The following FOXP2 variants were observed in gnomAD, a reference collection of about 807,000 sequenced individuals.
FOXP2 encodes the protein forkhead box protein P2.
In FOXP2, 12 loss-of-function variants were observed where a neutral mutation model predicts 115.8. The ratio of observed to expected loss-of-function variants is 0.10; its 90% CI spans 0.07 to 0.17. The LOEUF (loss-of-function observed/expected upper bound fraction) is 0.17, where lower values mean the gene tolerates loss of function less well. Among genes scored for constraint, FOXP2 ranks in the 10% least tolerant of loss-of-function variants. FOXP2 has a pLI of 1.00. For synonymous variants in FOXP2, 328 were observed against 297.7 expected, an observed-to-expected ratio of 1.10 and a Z score of -1.05; for missense variants, 629 against 843.5, an observed-to-expected ratio of 0.75 and a Z score of 3.15.
At chr7:114,632,467 A>G (rs1489498130) in intron 6 of FOXP2, among the ~76,000 whole-genome samples, 2 of 152,224 alleles carry the variant, frequency 1.3e-5, no homozygotes, top group East Asian at 1.9e-4. Flanking sequence ...TAAGTTATAT[A>G]TCATTACACT....
intron 1 of FOXP2, among the ~76,000 whole-genome samples, chr7:114,207,536 A>AAT (rs1794230182): frequency 6.6e-6 from 1 of 152,222 alleles, no homozygotes; most frequent in Non-Finnish European, 1.5e-5. Context: ...ATATAAGGCA[A>AAT]ATTCTTACTT....
intron 1 of FOXP2, among the ~76,000 whole-genome samples, chr7:114,149,595 A>G (rs1170584506): frequency 2.6e-5 from 4 of 151,720 alleles, no homozygotes; most frequent in Non-Finnish European, 2.9e-5. Flanking sequence ...TAATTCCCCC[A>G]TTTAACATTT....
chr7:114,545,940 G>T (rs1459702407), intron 3 of FOXP2, among the ~76,000 whole-genome samples: 1 of 151,988 alleles, frequency 6.6e-6, no homozygotes, highest in East Asian at 1.9e-4. Context: ...TATATGTCTT[G>T]TTAATGCATC....
At chr7:114,243,399 G>A (rs1312054159) in intron 1 of FOXP2, among the ~76,000 whole-genome samples, 2 of 152,120 alleles carry the variant, frequency 1.3e-5, no homozygotes, top group East Asian at 3.9e-4. Flanking sequence ...TAAGAGCCCA[G>A]GTTGATTGCC....
intron 3 of FOXP2, among the ~76,000 whole-genome samples, chr7:114,555,027 A>G (rs1442183599): frequency 6.6e-6 from 1 of 152,214 alleles, no homozygotes; most frequent in Non-Finnish European, 1.5e-5. Context: ...CCAGCGAAAA[A>G]GAAGACCAAG....
chr7:114,550,819 C>T (rs1414678360), intron 3 of FOXP2, among the ~76,000 whole-genome samples: 1 of 152,104 alleles, frequency 6.6e-6, no homozygotes, highest in Non-Finnish European at 1.5e-5. Context: ...ATGCAAATTA[C>T]TTTAAAAGAA....
At chr7:114,353,973 A>G (rs913815442) in intron 2 of FOXP2, among the ~76,000 whole-genome samples, 11 of 152,146 alleles carry the variant, frequency 7.2e-5, no homozygotes. Context: ...AAGACCTAGT[A>G]AAACATTATT....
At chr7:114,619,318 A>G (rs1486650078) in intron 3 of FOXP2, among the ~76,000 whole-genome samples, 3 of 152,150 alleles carry the variant, frequency 2.0e-5, no homozygotes, top group African/African-American at 4.8e-5. Context: ...CAAAACGGGC[A>G]TATTTTCAAT....
At chr7:114,424,469 G>T (rs764659517) in intron 1 of FOXP2, among the ~76,000 whole-genome samples, 3 of 151,344 alleles carry the variant, frequency 2.0e-5, no homozygotes, top group Non-Finnish European at 3.0e-5. Flanking sequence ...ATATGTAAAA[G>T]TTATGCCTAT....
chr7:114,390,325 A>G (rs1250111005), intron 2 of FOXP2, among the ~76,000 whole-genome samples: 1 of 152,076 alleles, frequency 6.6e-6, no homozygotes, highest in Non-Finnish European at 1.5e-5. Flanking sequence ...TACTCATTCT[A>G]CAGAGTAAAC....
At chr7:114,627,144 T>A (rs1427873093) in intron 3 of FOXP2, among the ~76,000 whole-genome samples, 1 of 113,022 alleles carries the variant, frequency 8.8e-6, no homozygotes, top group African/African-American at 4.0e-5. Flanking sequence ...CTGGATTTCT[T>A]TTTTTTTTTT....
chr7:114,435,430 T>C (rs573813284), intron 2 of FOXP2, among the ~76,000 whole-genome samples: 1 of 152,142 alleles, frequency 6.6e-6, no homozygotes, highest in African/African-American at 2.4e-5. Flanking sequence ...AGTGTTTGGA[T>C]GCACTTCATA....
At chr7:114,440,528 A>G (rs1034717071) in intron 2 of FOXP2, among the ~76,000 whole-genome samples, 1 of 152,170 alleles carries the variant, frequency 6.6e-6, no homozygotes, top group Non-Finnish European at 1.5e-5. Context: ...TTATTGGCAT[A>G]TAGTGTTAGA....
chr7:114,567,340 C>A lies in FOXP2; in HGVS notation c.258+32634C>A, dbSNP rs7797429. 6.7e-3 allele frequency among the ~76,000 whole-genome samples: 1,013 copies of A among 152,072 alleles called. 10 individuals carry two copies. Among genetic ancestry groups the A allele is most frequent in the African/African-American group, 0.023 (962 of 41,488 alleles). On this transcript the variant is annotated intron_variant, in intron 3 of 16. Coordinates refer to ENST00000350908, the MANE Select transcript of FOXP2 (RefSeq NM_014491.4). ...GATGATGTTACTTATTATCCTCTGT[C>A]TAGAGAGAGAGGACAGGAGAAGCTA...
chr7:114,167,480 T>C (rs1406146497), intron 1 of FOXP2, among the ~76,000 whole-genome samples: 3 of 152,124 alleles, frequency 2.0e-5, no homozygotes, highest in African/African-American at 4.8e-5. Context: ...GCCACTGATA[T>C]GGTTTGGCTC....
At chr7:114,333,050 C>G (rs930877519) in intron 2 of FOXP2, among the ~76,000 whole-genome samples, 10 of 151,776 alleles carry the variant, frequency 6.6e-5, no homozygotes, top group African/African-American at 2.4e-4. Flanking sequence ...CAAAACGAAA[C>G]AGTCTGCAAG....
chr7:114,389,157 C>A (rs1344973362), intron 2 of FOXP2, among the ~76,000 whole-genome samples: 1 of 152,166 alleles, frequency 6.6e-6, no homozygotes, highest in African/African-American at 2.4e-5. Context: ...AACACTTAAC[C>A]TGAAGCTGTT....
At chr7:114,296,809 G>T (rs1231429949) in intron 2 of FOXP2, among the ~76,000 whole-genome samples, 3 of 152,086 alleles carry the variant, frequency 2.0e-5, no homozygotes, top group African/African-American at 7.2e-5. Context: ...ATCAATAAAA[G>T]AATTTTATAA....
At position 114,212,122 on chromosome 7, in the gene FOXP2, A is replaced by AATAAAATAAAATAAAATAAAAT. The variant is rs67192679; in HGVS notation, c.-102+49037_-102+49038insAAATAAAATAAAATAAAATATA. ...AATAAAATAAAATAAAATAAAATAA[A>AATAAAATAAAATAAAATAAAAT]ATATATATATATATTCTTTGTTTCC... is the stretch of plus-strand genomic sequence containing the variant. On this transcript the variant is annotated intron_variant, in intron 1 of 17. Transcript: ENST00000634411. Among the ~76,000 whole-genome samples, 729 of 130,990 alleles carry AATAAAATAAAATAAAATAAAAT rather than the reference A, an allele frequency of 5.6e-3. 22 individuals are homozygous for AATAAAATAAAATAAAATAAAAT. Among genetic ancestry groups the AATAAAATAAAATAAAATAAAAT allele is most frequent in the Admixed American group, 0.031 (401 of 12,800 alleles). 85.9% of individuals were successfully genotyped at this position (130,990 alleles called of 152,430 possible).
Sources: allele counts gnomAD v4.1 joint callset (sites outside exome capture counted in the v4.1 genomes callset), GRCh38; gene constraint gnomAD v4.1.1; transcripts MANE v1.5; gene names NCBI Gene and HGNC (gene_info 2026-07-23, HGNC 2026-07-21).